Variants in ZNF816 observed in about 807,000 individuals in gnomAD.
ZNF816 encodes the protein zinc finger protein 816A.
In ZNF816, 11 loss-of-function variants were observed where a neutral mutation model predicts 8.3. The ratio of observed to expected loss-of-function variants is 1.32; its 90% CI spans 0.83 to 2.19. The LOEUF (loss-of-function observed/expected upper bound fraction) is 2.19. Ranked by LOEUF, ZNF816 falls within the 30% of genes most tolerant of loss-of-function variation. ZNF816 has a pLI of 0.00. For missense variants in ZNF816, 710 were observed against 779.3 expected, an observed-to-expected ratio of 0.91 and a Z score of 1.06; for synonymous variants, 255 against 254.5, an observed-to-expected ratio of 1.00 and a Z score of -0.02.
In ZNF816 at chr19:52,951,250, T is replaced by C; in HGVS notation, c.525A>G (p.Lys175=). The change falls in exon 4 of 4, where the codon AAA becomes AAG. Residue 175 remains lysine, a synonymous_variant. Transcript: ENST00000444460. ...PELHMFQTKG[K]ISNQLDKSIG... is the part of the protein sequence containing the mutation. ...TAGACTTGTCCAATTGGTTACTAAT[T>C]TTCCCTTTAGTCTGAAACATGTGGA... The C allele has an allele frequency of 6.2e-7, 1 of 1,614,150 alleles. No individual in the cohort carries two copies. Among genetic ancestry groups the C allele is most frequent in the Non-Finnish European group, 8.5e-7 (1 of 1,180,024 alleles).
At chr19:52,954,626 A>G (rs2083493619) in intron 2 of ZNF816, among the ~76,000 whole-genome samples, 1 of 152,062 alleles carries the variant, frequency 6.6e-6, no homozygotes, top group African/African-American at 2.4e-5. Flanking sequence ...AAAGTTCGAG[A>G]CCAGCCTGGC....
rs558044260 is a variant in ZNF816 at position 52,962,875 on chromosome 19, G to C, written c.-164C>G. ...TTTCAGTCCACGCCATCCGCTTCCG[G>C]GTCTGTGCCAATCGGCGCAGGACAG... On this transcript the variant is annotated 5_prime_UTR_variant, in exon 1 of 4. Transcript: ENST00000444460. 5.7e-4 allele frequency: 87 copies of C among 152,772 alleles called. No homozygotes were observed. Among genetic ancestry groups the C allele is most frequent in the African/African-American group, 2.0e-3 (84 of 41,598 alleles). 9.5% of individuals were successfully genotyped at this position (152,772 alleles called of 1,614,324 possible). A position where few individuals can be genotyped will look rare whatever the true frequency, so the allele number is the denominator to read the frequency against.
chr19:52,949,768 C>T lies in ZNF816; in HGVS notation c.*51G>A, dbSNP rs781771928. ...TGTAGATCTCTCTTCAATATGGATT[C>T]TGTAATGATTTGCAATGGTTGTAGC... On this transcript the variant is annotated 3_prime_UTR_variant, in exon 4 of 4. Coordinates refer to ENST00000444460, the MANE Select transcript of ZNF816 (RefSeq NM_001202457.3). 7 of 1,610,218 alleles carry T rather than the reference C, an allele frequency of 4.3e-6. No individual in the cohort carries two copies. The highest frequency in any genetic ancestry group is 4.2e-6 in the Non-Finnish European group (5 of 1,178,126).
At chr19:52,958,577 A>G (rs2083529882) in intron 1 of ZNF816, among the ~76,000 whole-genome samples, 1 of 152,128 alleles carries the variant, frequency 6.6e-6, no homozygotes, top group Admixed American at 6.6e-5. Flanking sequence ...AGGACACCCC[A>G]TGGCAGTTGA....
chr19:52,962,240 A>G (rs1454479117), intron 1 of ZNF816, among the ~76,000 whole-genome samples: 2 of 152,182 alleles, frequency 1.3e-5, no homozygotes, highest in Non-Finnish European at 2.9e-5. Context: ...GTAGGCACAG[A>G]GACCCATCTC....
intron 1 of ZNF816, 119 bp from the exon 2 acceptor site, chr19:52,956,223 G>T: frequency 8.9e-7 from 1 of 1,119,140 alleles, no homozygotes; most frequent in Non-Finnish European, 1.3e-6. Flanking sequence ...GCTACCCACT[G>T]CACCAGAGAC....
At position 52,949,883 on chromosome 19, in the gene ZNF816, G is replaced by C; in HGVS notation, c.1892C>G (p.Thr631Ser). 1.2e-6 allele frequency: 2 copies of C among 1,613,802 alleles called. No individual in the cohort carries two copies. Among genetic ancestry groups the C allele is most frequent in the Non-Finnish European group, 1.7e-6 (2 of 1,179,784 alleles). ...YKCNECGKAF[T>S]GQSTLIHHQA... ...ATGGTGAATAAGTGTTGACTGTCCAGTAAAGGCTTTGCCACACTCATTACA... is the reference window on the plus strand; with the variant it reads ...ATGGTGAATAAGTGTTGACTGTCCACTAAAGGCTTTGCCACACTCATTACA... The change falls in exon 4 of 4, where the codon ACT becomes AGT. Residue 631 changes from threonine to serine, a missense_variant. Physicochemically the swap from Thr to Ser is moderately conservative, Grantham distance 58. Coordinates refer to ENST00000444460, the MANE Select transcript of ZNF816 (RefSeq NM_001202457.3).
intron 3 of ZNF816, chr19:52,951,821 C>G (rs2083463022): frequency 2.1e-6 from 1 of 486,168 alleles, no homozygotes; most frequent in African/African-American, 2.0e-5. Context: ...TTGCTTGAAG[C>G]CAGGAGGCAG....
In ZNF816 at chr19:52,949,821, A is replaced by G. The variant is rs745972592; in HGVS notation, c.1954T>C (p.Ter652GlnextTer1). 31 of 1,613,496 alleles carry G rather than the reference A, an allele frequency of 1.9e-5. No individual in the cohort carries two copies. In the East Asian group the frequency reaches 3.3e-4, roughly 17 times the overall value. The change falls in exon 4 of 4, where the codon TAA becomes CAA. Residue 652 changes from the stop codon to glutamine (Q), a stop_lost. Transcript: ENST00000444460. ...IHGCRETLQM[*>Q] ...TACTGAAGACTTTGTGACAATCATT[A>G]CATTTGTAAAGTTTCCCTACACCCA...
In ZNF816 at chr19:52,957,476, C is replaced by T. The variant is rs2083519933; in HGVS notation, c.-15-1372G>A. Reference sequence around the variant, plus strand: ...CAGCTAAAAGGAAAACAAGGTGGCTCAGAGCAGGAGGCCCCAGAAGGAGCC... The same window carrying T: ...CAGCTAAAAGGAAAACAAGGTGGCTTAGAGCAGGAGGCCCCAGAAGGAGCC... On this transcript the variant is annotated intron_variant, in intron 1 of 3. Coordinates refer to ENST00000444460, the MANE Select transcript of ZNF816 (RefSeq NM_001202457.3). This position sits in a 1 kb window ranked among gnomAD's most constrained non-coding sequence, Gnocchi z 4.6. Among the ~76,000 whole-genome samples, 1 of 152,144 alleles carries T rather than the reference C, an allele frequency of 6.6e-6. No homozygotes were observed. Among genetic ancestry groups the T allele is most frequent in the Admixed American group, 6.5e-5 (1 of 15,286 alleles).
At chr19:52,952,908 T>G in intron 2 of ZNF816, 31 bp from the exon 3 acceptor site, 3 of 1,580,442 alleles carry the variant, frequency 1.9e-6, no homozygotes, top group Non-Finnish European at 2.6e-6. Flanking sequence ...CAACAAAACA[T>G]TATGGAGGAG....
Position 52,951,385 on chromosome 19 carries a change from T to C in ZNF816, c.390A>G (p.Thr130=), listed in dbSNP as rs1449076225. ...VERNGHEAPM[T]KIKKLTGSTD... is the part of the protein sequence containing the mutation. ...TACTACCAGTCAACTTTTTGATTTT[T>C]GTCATGGGTGCTTCATGGCCATTTC... Residue 130 remains threonine, a synonymous_variant, in exon 4 of 4, where the codon ACA becomes ACG. Coordinates refer to ENST00000444460, the MANE Select transcript of ZNF816 (RefSeq NM_001202457.3). 6.2e-7 allele frequency: 1 copy of C among 1,614,160 alleles called. No individual in the cohort carries two copies. The highest frequency in any genetic ancestry group is 8.5e-7 in the Non-Finnish European group (1 of 1,179,966).
At chr19:52,956,814 TAGAA>T (rs2083514637) in intron 1 of ZNF816, among the ~76,000 whole-genome samples, 1 of 152,172 alleles carries the variant, frequency 6.6e-6, no homozygotes, top group Non-Finnish European at 1.5e-5. Flanking sequence ...AGCAAAAAGT[TAGAA>T]AGAAACAGAA....
At chr19:52,953,992 G>C (rs1345932589) in intron 2 of ZNF816, among the ~76,000 whole-genome samples, 1 of 134,324 alleles carries the variant, frequency 7.4e-6, no homozygotes, top group African/African-American at 3.1e-5. Context: ...AGTAAGCCAA[G>C]GTCACACCAT....
At chr19:52,952,717 A>G (rs1403340022) in intron 3 of ZNF816, 34 bp downstream of exon 3, 1 of 1,612,122 alleles carries the variant, frequency 6.2e-7, no homozygotes, top group Non-Finnish European at 8.5e-7. Context: ...AGACAAGTGC[A>G]GATTCCTCAT....
chr19:52,956,299 T>C (rs2083509934), intron 1 of ZNF816, 195 bp from the exon 2 acceptor site: 1 of 558,732 alleles, frequency 1.8e-6, no homozygotes, highest in Non-Finnish European at 3.0e-6. Flanking sequence ...TTTCAGATCT[T>C]GCTCCCCTCC....
intron 1 of ZNF816, among the ~76,000 whole-genome samples, chr19:52,961,688 G>A (rs34271098): frequency 1.3e-5 from 2 of 152,204 alleles, no homozygotes; most frequent in African/African-American, 4.8e-5. Flanking sequence ...TCCCAAACCA[G>A]TGTTTCAAGC....
intron 1 of ZNF816, among the ~76,000 whole-genome samples, chr19:52,962,043 A>G (rs1568441779): frequency 6.6e-6 from 1 of 152,190 alleles, no homozygotes; most frequent in Non-Finnish European, 1.5e-5. Context: ...ACAGCACAAC[A>G]AGGACAGTCA....
At chr19:52,960,998 C>A (rs913695607) in intron 1 of ZNF816, among the ~76,000 whole-genome samples, 1 of 152,202 alleles carries the variant, frequency 6.6e-6, no homozygotes, top group Non-Finnish European at 1.5e-5. Context: ...CTTCAACTGA[C>A]CTTCCTCAAA....
Sources: gnomAD v4.1 joint callset for allele counts (sites outside exome capture counted in the v4.1 genomes callset) on GRCh38, gnomAD v4.1.1 for gene constraint, Gnocchi (gnomAD v3.1) non-coding constraint, MANE v1.5 for transcripts, NCBI Gene and HGNC (gene_info 2026-07-23, HGNC 2026-07-21) for gene names.